ABHD2: variants seen among roughly 807,000 people sequenced by gnomAD.
The protein encoded by ABHD2 is monoacylglycerol lipase ABHD2.
In ABHD2, 20 loss-of-function variants were observed where a neutral mutation model predicts 48.1. That is an observed-to-expected ratio of 0.42 (90% CI 0.29 to 0.60). The LOEUF (loss-of-function observed/expected upper bound fraction) is 0.60. Ranked by LOEUF, ABHD2 falls within the 20% of genes least tolerant of loss-of-function variation. The pLI, the probability that ABHD2 is intolerant of heterozygous loss-of-function variation, is 0.24. For missense variants in ABHD2, 405 were observed against 550.9 expected, an observed-to-expected ratio of 0.74 and a Z score of 2.65; for synonymous variants, 209 against 214.2, an observed-to-expected ratio of 0.98 and a Z score of 0.21.
intron 5 of ABHD2, among the ~76,000 whole-genome samples, chr15:89,157,543 T>A (rs1298823521): frequency 2.6e-5 from 4 of 152,110 alleles, no homozygotes; most frequent in Non-Finnish European, 4.4e-5. Context: ...GTCAGTAGCT[T>A]GAAAATATAG....
In ABHD2 at chr15:89,164,083, G is replaced by A. The variant is rs189499568; in HGVS notation, c.538+8549G>A. ...CAGAGCCACAGAATTGGACCTGTGG[G>A]TTTGGTCTTTGATCTTTTGTTCAGC... On this transcript the variant is annotated intron_variant, in intron 5 of 10. Transcript: ENST00000352732. This position sits in a 1 kb window ranked among gnomAD's most constrained non-coding sequence, Gnocchi z 5.0. Among the ~76,000 whole-genome samples, 15 of 152,296 alleles carry A rather than the reference G, an allele frequency of 9.8e-5. No homozygotes were observed. The East Asian group carries it at 2.9e-3, about 29-fold the overall frequency.
intron 7 of ABHD2, among the ~76,000 whole-genome samples, chr15:89,187,374 C>A (rs1485201266): frequency 6.6e-6 from 1 of 152,118 alleles, no homozygotes; most frequent in East Asian, 1.9e-4. Flanking sequence ...ATATAATCTT[C>A]CTAATAGTCT....
chr15:89,135,585 CTCT>C, intron 3 of ABHD2: 2 of 1,536,294 alleles, frequency 1.3e-6, no homozygotes, highest in Non-Finnish European at 8.8e-7. Flanking sequence ...CATTCTTATC[CTCT>C]TCATCTTCCT....
In ABHD2 at chr15:89,114,348, C is replaced by G. The variant is rs556639078; in HGVS notation, c.-7+524C>G. Among the ~76,000 whole-genome samples the G allele has an allele frequency of 6.6e-6, 1 of 152,122 alleles. No individual in the cohort carries two copies. The highest frequency in any genetic ancestry group is 1.5e-5 in the Non-Finnish European group (1 of 68,020). On this transcript the variant is annotated intron_variant, in intron 2 of 10. Transcript: ENST00000352732. The surrounding 1 kb of genome is among the most constrained non-coding windows in gnomAD (Gnocchi z 4.2). ...ACATGATTTCAGGGGGTTCTTAGACCGCAGGATCCCACAGGGAACCCACAG... is the reference window on the plus strand; with the variant it reads ...ACATGATTTCAGGGGGTTCTTAGACGGCAGGATCCCACAGGGAACCCACAG...
intron 5 of ABHD2, among the ~76,000 whole-genome samples, chr15:89,157,803 A>G (rs968433965): frequency 1.3e-5 from 2 of 152,008 alleles, no homozygotes; most frequent in Non-Finnish European, 2.9e-5. Flanking sequence ...AGATCGCGCC[A>G]CTGCACTCCA....
Position 89,146,355 on chromosome 15 carries a change from C to CGTGTGT in ABHD2, c.195-5283_195-5278dup, listed in dbSNP as rs4032279. ...TGAGCTTCATCTGCTCAAAGACGTA[C>CGTGTGT]GTGTGTGTGTGTGTGTGTGTGTGTG... On this transcript the variant is annotated intron_variant, in intron 3 of 10. Coordinates refer to ENST00000352732, the MANE Select transcript of ABHD2 (RefSeq NM_152924.5). The surrounding 1 kb of genome is among the most constrained non-coding windows in gnomAD (Gnocchi z 4.2). Among the ~76,000 whole-genome samples the CGTGTGT allele has an allele frequency of 0.027, 3,276 of 121,582 alleles. 66 individuals are homozygous for CGTGTGT. Among genetic ancestry groups the CGTGTGT allele is most frequent in the South Asian group, 0.038 (122 of 3,172 alleles). 79.8% of individuals were successfully genotyped at this position (121,582 alleles called of 152,430 possible). A position where few individuals can be genotyped will look rare whatever the true frequency, so the allele number is the denominator to read the frequency against.
rs1024406764 is a variant in ABHD2 at position 89,114,375 on chromosome 15, C to T, written c.-7+551C>T. Among the ~76,000 whole-genome samples the T allele has an allele frequency of 2.6e-5, 4 of 152,188 alleles. No individual in the cohort carries two copies. Among genetic ancestry groups the T allele is most frequent in the African/African-American group, 9.7e-5 (4 of 41,442 alleles). Reference sequence around the variant, plus strand: ...CAGGATCCCACAGGGAACCCACAGACCCCAAGTTAAGGATCCTTGTTTTAG... The same window carrying T: ...CAGGATCCCACAGGGAACCCACAGATCCCAAGTTAAGGATCCTTGTTTTAG... On this transcript the variant is annotated intron_variant, in intron 2 of 10. Coordinates refer to ENST00000352732, the MANE Select transcript of ABHD2 (RefSeq NM_152924.5). The surrounding 1 kb of genome is among the most constrained non-coding windows in gnomAD (Gnocchi z 4.2).
chr15:89,169,446 GC>G lies in ABHD2; in HGVS notation c.539-6364del, dbSNP rs1199247963. On this transcript the variant is annotated intron_variant, in intron 5 of 10. Coordinates refer to ENST00000352732, the MANE Select transcript of ABHD2 (RefSeq NM_152924.5). ...TGATTGAGTGCCCACCAAGTATCTG[GC>G]CTCACAGATACAGTGGTGAACAAGA... is the stretch of plus-strand genomic sequence containing the variant. 2.0e-5 allele frequency among the ~76,000 whole-genome samples: 3 copies of G among 152,114 alleles called. No homozygotes were observed. The East Asian group carries it at 5.8e-4, about 29-fold the overall frequency.
At chr15:89,072,203 C>A in the ABHD2 span, among the ~76,000 whole-genome samples, 2 of 152,248 alleles carry the variant, frequency 1.3e-5, no homozygotes, top group African/African-American at 4.8e-5. Context: ...GGGCCAGGTG[C>A]AGTGGCTCAT....
chr15:89,045,687 T>C, the ABHD2 span, among the ~76,000 whole-genome samples: 1 of 152,366 alleles, frequency 6.6e-6, no homozygotes, highest in East Asian at 1.9e-4. Context: ...TCACTCATGA[T>C]TTGGCTCTCT....
chr15:89,062,950 A>C, the ABHD2 span, among the ~76,000 whole-genome samples: 1 of 148,856 alleles, frequency 6.7e-6, no homozygotes, highest in Admixed American at 6.7e-5. Flanking sequence ...CTGTTTAATC[A>C]GTCACAATTG....
intron 3 of ABHD2, among the ~76,000 whole-genome samples, chr15:89,125,212 C>T (rs538490896): frequency 6.6e-6 from 1 of 151,372 alleles, no homozygotes; most frequent in Non-Finnish European, 1.5e-5. Flanking sequence ...GCCGACATTG[C>T]GCCACTGCAC....
chr15:89,118,976 T>C (rs2050005533), intron 3 of ABHD2, among the ~76,000 whole-genome samples: 2 of 152,140 alleles, frequency 1.3e-5, no homozygotes, highest in African/African-American at 2.4e-5. Flanking sequence ...CCCCATCTCC[T>C]TGGACCTCGT....
At chr15:89,124,006 G>A (rs1293403285) in intron 3 of ABHD2, among the ~76,000 whole-genome samples, 1 of 152,148 alleles carries the variant, frequency 6.6e-6, no homozygotes, top group African/African-American at 2.4e-5. Flanking sequence ...CTTCTTAACA[G>A]TAAATATCCA....
chr15:89,059,699 T>C, the ABHD2 span, among the ~76,000 whole-genome samples: 1 of 152,124 alleles, frequency 6.6e-6, no homozygotes, highest in Non-Finnish European at 1.5e-5. Flanking sequence ...AGGGCAGTAA[T>C]TGATCCCCAG....
chr15:89,201,771 TGCTTCGCCGTGGCCCCGGAG>T lies in ABHD2; in HGVS notation c.*6351_*6370del. The T allele has an allele frequency of 6.6e-7, 1 of 1,509,662 alleles. No individual in the cohort carries two copies. Among genetic ancestry groups the T allele is most frequent in the Non-Finnish European group, 9.2e-7 (1 of 1,086,956 alleles). 93.5% of individuals were successfully genotyped at this position (1,509,662 alleles called of 1,614,324 possible). A position where few individuals can be genotyped will look rare whatever the true frequency, so the allele number is the denominator to read the frequency against. The stretch of plus-strand genomic sequence containing the variant: ...CGGGTCGAGGACCAGGATCTGCTCG[TGCTTCGCCGTGGCCCCGGAG>T]GCAGACGCCATTGGAGAGACAGCGC... On this transcript the variant is annotated 3_prime_UTR_variant, in exon 11 of 11. Transcript: ENST00000352732.
chr15:89,144,619 A>G (rs1281567850), intron 3 of ABHD2, among the ~76,000 whole-genome samples: 2 of 152,232 alleles, frequency 1.3e-5, no homozygotes, highest in Non-Finnish European at 1.5e-5. Flanking sequence ...TTCTGTTGAT[A>G]AGAAATATAC....
chr15:89,188,312 G>A lies in ABHD2; in HGVS notation c.926+9G>A, dbSNP rs201349282. On this transcript the variant is annotated intron_variant, in intron 8 of 10. Transcript: ENST00000352732. The surrounding 1 kb of genome is among the most constrained non-coding windows in gnomAD (Gnocchi z 4.1). Reference sequence around the variant, plus strand: ...GATGACAATGTGATGAGGTGTGTCCGCGCAGGCGGGAGAGGGACGCTCTGG... The same window carrying A: ...GATGACAATGTGATGAGGTGTGTCCACGCAGGCGGGAGAGGGACGCTCTGG... 48 of 1,613,246 alleles carry A rather than the reference G, an allele frequency of 3.0e-5. No homozygotes were observed. Among genetic ancestry groups the A allele is most frequent in the South Asian group, 9.9e-5 (9 of 91,080 alleles).
the ABHD2 span, among the ~76,000 whole-genome samples, chr15:89,057,457 C>T: frequency 6.6e-6 from 1 of 152,298 alleles, no homozygotes; most frequent in East Asian, 1.9e-4. Context: ...GGACTGGCCG[C>T]CTCTGGAACT....
Sources: gnomAD v4.1 joint callset for allele counts (sites outside exome capture counted in the v4.1 genomes callset) on GRCh38, gnomAD v4.1.1 for gene constraint, Gnocchi (gnomAD v3.1) non-coding constraint, MANE v1.5 for transcripts, NCBI Gene and HGNC (gene_info 2026-07-23, HGNC 2026-07-21) for gene names.